The following AGBL1 variants were observed in gnomAD, a reference collection of about 807,000 sequenced individuals.
AGBL1 encodes the protein AGBL carboxypeptidase 1, also known as cytosolic carboxypeptidase 4.
Under a neutral mutation model 118.9 loss-of-function variants are expected in AGBL1, and 130 were observed. The ratio of observed to expected loss-of-function variants is 1.09; its 90% CI spans 0.95 to 1.26. AGBL1 has a LOEUF of 1.26. Ranked by LOEUF, AGBL1 falls within the 50% of genes most tolerant of loss-of-function variation. The pLI, the probability that AGBL1 is intolerant of heterozygous loss-of-function variation, is 0.00. For synonymous variants in AGBL1, 555 were observed against 478.9 expected, an observed-to-expected ratio of 1.16 and a Z score of -2.08; for missense variants, 1,584 against 1,298.1, an observed-to-expected ratio of 1.22 and a Z score of -3.38.
chr15:87,013,942 A>G (rs2141787108), intron 24 of AGBL1, among the ~76,000 whole-genome samples: 1 of 152,282 alleles, frequency 6.6e-6, no homozygotes, highest in East Asian at 1.9e-4. Flanking sequence ...ACATCCTTCT[A>G]CATCTTAGTG....
intron 17 of AGBL1, among the ~76,000 whole-genome samples, chr15:86,374,304 TA>T (rs1197401768): frequency 6.6e-6 from 1 of 152,198 alleles, no homozygotes; most frequent in East Asian, 1.9e-4. Context: ...CCTATGAAGA[TA>T]AGTGTTATTT....
chr15:86,776,229 A>T (rs1440398180), intron 22 of AGBL1, among the ~76,000 whole-genome samples: 4 of 152,134 alleles, frequency 2.6e-5, no homozygotes, highest in Non-Finnish European at 4.4e-5. Context: ...CTTTACTGAG[A>T]GACAGTACCT....
intron 5 of AGBL1, among the ~76,000 whole-genome samples, chr15:86,182,371 T>G (rs2077565519): frequency 6.6e-6 from 1 of 152,056 alleles, no homozygotes; most frequent in Non-Finnish European, 1.5e-5. Flanking sequence ...ACAACCTGAA[T>G]AATTCAATTT....
In AGBL1 at chr15:86,785,355, G is replaced by A. The variant is rs112343959; in HGVS notation, c.3158+110919G>A. On this transcript the variant is annotated intron_variant, in intron 22 of 22. Transcript: ENST00000614907. Reference sequence around the variant, plus strand: ...TCTGGGAAGAGGCACAGAGATCTGCGGGTTCTTTTTTTTTTTTTTTTTTGT... The same window carrying A: ...TCTGGGAAGAGGCACAGAGATCTGCAGGTTCTTTTTTTTTTTTTTTTTTGT... Among the ~76,000 whole-genome samples, 372 of 149,716 alleles carry A rather than the reference G, an allele frequency of 2.5e-3. 2 individuals carry two copies. Among genetic ancestry groups the A allele is most frequent in the African/African-American group, 8.4e-3 (344 of 40,758 alleles).
chr15:86,209,500 C>T (rs551576123), intron 5 of AGBL1, among the ~76,000 whole-genome samples: 2 of 152,128 alleles, frequency 1.3e-5, no homozygotes, highest in Middle Eastern at 3.2e-3. Flanking sequence ...CTGGGTGCTC[C>T]TCTATTGGGT....
chr15:86,329,914 GA>G (rs1252816015), intron 17 of AGBL1, among the ~76,000 whole-genome samples: 2 of 152,240 alleles, frequency 1.3e-5, no homozygotes, highest in African/African-American at 4.8e-5. Context: ...CAGGCATCCA[GA>G]GCATCCACTC....
In AGBL1 at chr15:86,913,664, G is replaced by A; in HGVS notation, c.*6370G>A. On this transcript the variant is annotated 3_prime_UTR_variant, in exon 23 of 23. Coordinates refer to ENST00000614907, the MANE Select transcript of AGBL1 (RefSeq NM_001386094.1). ...GGATCCCTTGAGCCCAGGAGTTTGA[G>A]ACCAGCCTGGGCAACATAGTTAGAC... 6.6e-6 allele frequency: 1 copy of A among 152,410 alleles called. No homozygotes were observed. Among genetic ancestry groups the A allele is most frequent in the Non-Finnish European group, 1.5e-5 (1 of 68,166 alleles). 9.4% of individuals were successfully genotyped at this position (152,410 alleles called of 1,614,324 possible).
chr15:86,691,039 G>A (rs1438262341), intron 22 of AGBL1, among the ~76,000 whole-genome samples: 1 of 152,048 alleles, frequency 6.6e-6, no homozygotes, highest in African/African-American at 2.4e-5. Flanking sequence ...TTCATATTAA[G>A]TAGTAGGTTG....
intron 19 of AGBL1, among the ~76,000 whole-genome samples, chr15:86,540,378 G>A (rs2083477822): frequency 6.6e-6 from 1 of 152,126 alleles, no homozygotes. Context: ...CAGATTGCCT[G>A]AGCTCAGGAG....
chr15:86,149,393 C>T (rs2077076238), intron 3 of AGBL1, among the ~76,000 whole-genome samples: 1 of 151,990 alleles, frequency 6.6e-6, no homozygotes, highest in Admixed American at 6.6e-5. Context: ...ATCTCACATG[C>T]AAAGATGCAC....
intron 24 of AGBL1, among the ~76,000 whole-genome samples, chr15:86,994,887 G>A (rs1018550633): frequency 9.9e-5 from 15 of 152,134 alleles, no homozygotes; most frequent in Non-Finnish European, 1.5e-4. Flanking sequence ...ACTGTGGGGT[G>A]AAGTAAAATC....
At chr15:86,941,502 C>T (rs2080751476) in intron 23 of AGBL1, among the ~76,000 whole-genome samples, 1 of 152,200 alleles carries the variant, frequency 6.6e-6, no homozygotes, top group African/African-American at 2.4e-5. Context: ...GAGCCCTCTG[C>T]AGTGGCCATT....
intron 3 of AGBL1, among the ~76,000 whole-genome samples, chr15:86,151,845 A>G (rs2077116089): frequency 6.6e-6 from 1 of 152,204 alleles, no homozygotes; most frequent in Non-Finnish European, 1.5e-5. Flanking sequence ...ATACAAAATC[A>G]ATGTGCAAAA....
At chr15:86,517,277 A>G (rs2083133124) in intron 18 of AGBL1, among the ~76,000 whole-genome samples, 1 of 152,216 alleles carries the variant, frequency 6.6e-6, no homozygotes, top group African/African-American at 2.4e-5. Context: ...TTCTAGTAGA[A>G]AGCACTGCTT....
intron 22 of AGBL1, among the ~76,000 whole-genome samples, chr15:86,788,253 T>C (rs2078443511): frequency 1.3e-5 from 2 of 152,288 alleles, no homozygotes; most frequent in Non-Finnish European, 2.9e-5. Context: ...CAGAACAAAA[T>C]ATGAATAAAG....
chr15:86,803,525 C>T (rs1437804413), intron 22 of AGBL1, among the ~76,000 whole-genome samples: 1 of 152,100 alleles, frequency 6.6e-6, no homozygotes, highest in Non-Finnish European at 1.5e-5. Flanking sequence ...AGTATTTATC[C>T]TGCCTCGTTT....
intron 5 of AGBL1, among the ~76,000 whole-genome samples, chr15:86,213,083 G>T (rs2141892907): frequency 6.6e-6 from 1 of 152,340 alleles, no homozygotes; most frequent in East Asian, 1.9e-4. Context: ...AAGGCTTTGT[G>T]ATATGTACAA....
downstream of AGBL1, among the ~76,000 whole-genome samples, chr15:86,918,041 TG>T (rs1048390350): frequency 1.3e-5 from 2 of 152,150 alleles, no homozygotes; most frequent in Non-Finnish European, 2.9e-5. Context: ...GATGAAAACA[TG>T]GGGGAAGCCA....
chr15:86,488,475 G>A (rs1021239940), intron 18 of AGBL1, among the ~76,000 whole-genome samples: 2 of 152,152 alleles, frequency 1.3e-5, no homozygotes, highest in South Asian at 2.1e-4. Context: ...TGAGGGTGAC[G>A]TGATGGTAAG....
Sources: gnomAD v4.1 joint callset for allele counts (sites outside exome capture counted in the v4.1 genomes callset) on GRCh38, gnomAD v4.1.1 for gene constraint, MANE v1.5 for transcripts, NCBI Gene and HGNC (gene_info 2026-07-23, HGNC 2026-07-21) for gene names.